Variants in CA10 observed in about 807,000 individuals in gnomAD.
The protein encoded by CA10 is carbonic anhydrase-related protein 10.
Under a neutral mutation model 44.2 loss-of-function variants are expected in CA10, and 14 were observed. That is an observed-to-expected ratio of 0.32 (90% CI 0.21 to 0.50). The LOEUF is 0.50. Among genes scored for constraint, CA10 ranks in the 20% least tolerant of loss-of-function variants. CA10 has a pLI of 0.99. For missense variants in CA10, 350 were observed against 409.7 expected, an observed-to-expected ratio of 0.85 and a Z score of 1.26; for synonymous variants, 159 against 141.6, an observed-to-expected ratio of 1.12 and a Z score of -0.87.
At chr17:52,033,184 A>G (rs1247542137) in intron 2 of CA10, among the ~76,000 whole-genome samples, 1 of 152,246 alleles carries the variant, frequency 6.6e-6, no homozygotes, top group Admixed American at 6.5e-5. Flanking sequence ...GAGCAAGGAC[A>G]AAGATATAGA....
At chr17:51,917,862 G>A (rs1982066807) in intron 3 of CA10, among the ~76,000 whole-genome samples, 1 of 152,192 alleles carries the variant, frequency 6.6e-6, no homozygotes, top group Admixed American at 6.5e-5. Flanking sequence ...TGTGGGATCA[G>A]GCTATGGTTG....
intron 2 of CA10, among the ~76,000 whole-genome samples, chr17:52,000,518 A>G (rs1985386220): frequency 6.6e-6 from 1 of 152,040 alleles, no homozygotes; most frequent in African/African-American, 2.4e-5. Flanking sequence ...TGTCTCTTTG[A>G]CTTTCGCTAG....
At chr17:51,897,609 T>G (rs1981127576) in intron 3 of CA10, among the ~76,000 whole-genome samples, 1 of 152,172 alleles carries the variant, frequency 6.6e-6, no homozygotes, top group Non-Finnish European at 1.5e-5. Flanking sequence ...AAGAATGTCA[T>G]TGGTAATTTG....
intron 3 of CA10, among the ~76,000 whole-genome samples, chr17:51,813,547 A>G (rs953856708): frequency 6.6e-6 from 1 of 152,214 alleles, no homozygotes; most frequent in Non-Finnish European, 1.5e-5. Context: ...CCCTAAGGTC[A>G]GTGTTATTTT....
At chr17:52,031,379 A>AC (rs1379373633) in intron 2 of CA10, among the ~76,000 whole-genome samples, 2 of 151,988 alleles carry the variant, frequency 1.3e-5, no homozygotes, top group African/African-American at 4.8e-5. Flanking sequence ...TAAACTCCTG[A>AC]CCTCAAGTGA....
intron 1 of CA10, among the ~76,000 whole-genome samples, chr17:52,105,289 C>T (rs946676741): frequency 1.3e-5 from 2 of 151,540 alleles, no homozygotes; most frequent in African/African-American, 2.4e-5. Context: ...AGTCTTGGCT[C>T]TGTCGCCCAG....
chr17:51,933,082 G>A (rs1982729031), intron 2 of CA10, among the ~76,000 whole-genome samples: 2 of 152,150 alleles, frequency 1.3e-5, no homozygotes. Context: ...CAAGTGAACT[G>A]AGTGGCCCTT....
intron 3 of CA10, among the ~76,000 whole-genome samples, chr17:51,919,861 C>T (rs180816944): frequency 2.6e-5 from 4 of 152,204 alleles, no homozygotes; most frequent in African/African-American, 9.6e-5. Context: ...ACCATATTGG[C>T]CAGGCTGGTC....
intron 3 of CA10, among the ~76,000 whole-genome samples, chr17:51,755,485 C>T (rs568353056): frequency 1.3e-5 from 2 of 152,152 alleles, no homozygotes; most frequent in South Asian, 2.1e-4. Flanking sequence ...GTGAGGTTTC[C>T]GATATGTTCT....
intron 4 of CA10, among the ~76,000 whole-genome samples, chr17:51,734,409 T>G (rs1916827423): frequency 6.6e-6 from 1 of 152,192 alleles, no homozygotes; most frequent in African/African-American, 2.4e-5. Context: ...AAAGGTCACC[T>G]AGTCGTAGGG....
intron 4 of CA10, among the ~76,000 whole-genome samples, chr17:51,707,817 T>C (rs16950418): frequency 0.14 from 21,648 of 152,038 alleles, 1,832 homozygotes; most frequent in East Asian, 0.29. Context: ...TTGGGTTTTA[T>C]AGAAAAACTG....
At chr17:52,037,928 A>G (rs1986663837) in intron 2 of CA10, among the ~76,000 whole-genome samples, 1 of 151,990 alleles carries the variant, frequency 6.6e-6, no homozygotes, top group African/African-American at 2.4e-5. Context: ...CTCTGGCCCA[A>G]AACTCTTTAT....
At chr17:51,744,273 G>A (rs1212301333) in intron 4 of CA10, among the ~76,000 whole-genome samples, 1 of 150,682 alleles carries the variant, frequency 6.6e-6, no homozygotes, top group Non-Finnish European at 1.5e-5. Context: ...CGAGATCATG[G>A]CACTGCACTT....
intron 3 of CA10, among the ~76,000 whole-genome samples, chr17:51,920,749 T>C (rs939539959): frequency 2.6e-5 from 4 of 152,198 alleles, no homozygotes; most frequent in Non-Finnish European, 4.4e-5. Context: ...GCTTCTGCAC[T>C]GAATCCATTT....
At chr17:51,976,483 A>G (rs1211992560) in intron 2 of CA10, among the ~76,000 whole-genome samples, 1 of 152,162 alleles carries the variant, frequency 6.6e-6, no homozygotes, top group African/African-American at 2.4e-5. Context: ...AAATTAAACA[A>G]CACAGTTCTA....
intron 2 of CA10, among the ~76,000 whole-genome samples, chr17:51,934,771 A>G (rs1295704660): frequency 1.3e-5 from 2 of 152,164 alleles, no homozygotes; most frequent in Non-Finnish European, 2.9e-5. Flanking sequence ...GTTTTAGTGC[A>G]GATAAAAATG....
intron 1 of CA10, among the ~76,000 whole-genome samples, chr17:52,125,191 G>A (rs1989093626): frequency 6.6e-6 from 1 of 152,182 alleles, no homozygotes; most frequent in Non-Finnish European, 1.5e-5. Context: ...AGTCTTCCTT[G>A]CTGCCTGAGT....
At chr17:51,996,724 A>G (rs1985250171) in intron 2 of CA10, among the ~76,000 whole-genome samples, 1 of 152,022 alleles carries the variant, frequency 6.6e-6, no homozygotes, top group Non-Finnish European at 1.5e-5. Flanking sequence ...TCAGTTGATC[A>G]GAAATCATGC....
chr17:51,705,973 T>C lies in CA10; in HGVS notation c.465+41660A>G, dbSNP rs560696253. 2.0e-5 allele frequency among the ~76,000 whole-genome samples: 3 copies of C among 152,314 alleles called. No homozygotes were observed. The South Asian group carries it at 6.2e-4, about 32-fold the overall frequency. ...AAAAAGAACAATCCATAATTGTTCC[T>C]GAGTGTGGTTAAAAAGCATTTTGAG... is the stretch of plus-strand genomic sequence containing the variant. On this transcript the variant is annotated intron_variant, in intron 4 of 8. Coordinates refer to ENST00000451037, the MANE Select transcript of CA10 (RefSeq NM_020178.5).
Sources: allele counts gnomAD v4.1 joint callset (sites outside exome capture counted in the v4.1 genomes callset), GRCh38; gene constraint gnomAD v4.1.1; transcripts MANE v1.5; gene names NCBI Gene and HGNC (gene_info 2026-07-23, HGNC 2026-07-21).